Variants in ZNF98 observed in about 807,000 individuals in gnomAD.
ZNF98 encodes zinc finger protein 739.
In ZNF98, 8 loss-of-function variants were observed where a neutral mutation model predicts 12.8. That is an observed-to-expected ratio of 0.63 (90% CI 0.37 to 1.13). The LOEUF (loss-of-function observed/expected upper bound fraction) is 1.13, where lower values mean the gene tolerates loss of function less well. ZNF98 is among the 50% of genes most tolerant of loss of function. The pLI, the probability that ZNF98 is intolerant of heterozygous loss-of-function variation, is 0.01. For missense variants in ZNF98, 379 were observed against 666.1 expected (o/e 0.57, Z 4.74); for synonymous variants, 112 against 223.5 (o/e 0.50, Z 4.45).
chr19:22,397,189 T>C (rs1568291241), intron 3 of ZNF98, among the ~76,000 whole-genome samples: 3 of 83,232 alleles, frequency 3.6e-5, no homozygotes, highest in African/African-American at 7.9e-5. Context: ...TGTATGTACA[T>C]CTGTGTGTGT....
intron 1 of ZNF98, among the ~76,000 whole-genome samples, chr19:22,409,655 T>C (rs1169163123): frequency 1.3e-5 from 2 of 152,088 alleles, no homozygotes. Context: ...CTCACACCTG[T>C]CATCCCACCA....
At chr19:22,422,147 C>G (rs867981251) in intron 1 of ZNF98, 48 bp downstream of exon 1, 2 of 1,611,686 alleles carry the variant, frequency 1.2e-6, no homozygotes, top group South Asian at 2.2e-5. Flanking sequence ...CCACCGGTTC[C>G]AACCAGCCCC....
At chr19:22,400,283 A>T (rs1240558572) in intron 3 of ZNF98, among the ~76,000 whole-genome samples, 1 of 152,106 alleles carries the variant, frequency 6.6e-6, no homozygotes, top group East Asian at 1.9e-4. Flanking sequence ...TATCACCCTG[A>T]GCCACAGTTC....
In ZNF98 at chr19:22,402,837, T is replaced by G; in HGVS notation, c.205A>C (p.Lys69Gln). The G allele has an allele frequency of 6.3e-7, 1 of 1,593,932 alleles. No individual in the cohort carries two copies. Among genetic ancestry groups the G allele is most frequent in the East Asian group, 2.3e-5 (1 of 44,360 alleles). The change falls in exon 3 of 4, where the codon AAA (lysine) becomes CAA (glutamine). Residue 69 changes from lysine (K) to glutamine (Q), a missense_variant. This residue lies in a region of ZNF98 where 223 missense variants were observed against 261.6 expected (regional missense o/e 0.85). Transcript: ENST00000357774. ...PDLITCLEQGKEPWNVKRHEM... is the reference protein window; with the variant it reads ...PDLITCLEQGQEPWNVKRHEM... ...TGTCTCTTCACATTCCAAGGTTCTT[T>G]TCCTTGCTCCAGACAGGTGATCAGG...
chr19:22,393,186 C>A (rs1422541466), intron 3 of ZNF98, among the ~76,000 whole-genome samples: 2 of 152,204 alleles, frequency 1.3e-5, no homozygotes, highest in African/African-American at 4.8e-5. Context: ...GTGTGCAGTG[C>A]CCCAGATGAG....
intron 1 of ZNF98, among the ~76,000 whole-genome samples, chr19:22,404,224 T>TA (rs61655477): frequency 2.7e-5 from 4 of 145,724 alleles, no homozygotes; most frequent in African/African-American, 1.1e-4. Context: ...CGTCTCAAAA[T>TA]AAAAAAAAGA....
intron 1 of ZNF98, among the ~76,000 whole-genome samples, chr19:22,406,219 C>T (rs1230196384): frequency 2.0e-5 from 3 of 152,114 alleles, no homozygotes; most frequent in Non-Finnish European, 4.4e-5. Context: ...AGTGTTCCTA[C>T]TGGCATCAGA....
At chr19:22,402,762 G>C (rs1421364407) in intron 3 of ZNF98, 27 bp downstream of exon 3, 1 of 1,548,876 alleles carries the variant, frequency 6.5e-7, no homozygotes, top group East Asian at 2.4e-5. Context: ...TGTGTCGTCT[G>C]TTGTATTCAC....
intron 3 of ZNF98, among the ~76,000 whole-genome samples, chr19:22,395,415 A>G (rs1211723454): frequency 6.6e-6 from 1 of 152,068 alleles, no homozygotes; most frequent in Admixed American, 6.6e-5. Flanking sequence ...AAACAGGGCA[A>G]TATAATTTCA....
intron 3 of ZNF98, among the ~76,000 whole-genome samples, chr19:22,401,883 A>G (rs1969461501): frequency 6.6e-6 from 1 of 151,700 alleles, no homozygotes; most frequent in Non-Finnish European, 1.5e-5. Context: ...AGTAATAGAA[A>G]ATACAATTCT....
At position 22,402,725 on chromosome 19, in the gene ZNF98, T is replaced by TC. The variant is rs1969472989; in HGVS notation, c.253+63_253+64insG. On this transcript the variant is annotated intron_variant, in intron 3 of 3. Transcript: ENST00000357774. ...AAATCATTTTAAGGAATGGCTTTTT[T>TC]TTTTTTTCTACTTTGGAGCTCTCAT... is the stretch of plus-strand genomic sequence containing the variant. 54 of 1,205,502 alleles carry TC rather than the reference T, an allele frequency of 4.5e-5. No individual in the cohort carries two copies. The South Asian group carries it at 7.8e-4, about 18-fold the overall frequency. 74.7% of individuals were successfully genotyped at this position (1,205,502 alleles called of 1,614,324 possible).
chr19:22,393,664 C>T (rs1314807969), intron 3 of ZNF98, among the ~76,000 whole-genome samples: 1 of 152,096 alleles, frequency 6.6e-6, no homozygotes. Context: ...CCCTTCCTTA[C>T]ACCTTATACA....
At chr19:22,411,632 G>A (rs1347782858) in intron 1 of ZNF98, among the ~76,000 whole-genome samples, 1 of 152,092 alleles carries the variant, frequency 6.6e-6, no homozygotes, top group East Asian at 1.9e-4. Context: ...ATGATAAAAG[G>A]TTTACTTAGC....
At chr19:22,397,889 C>G (rs1436940474) in intron 3 of ZNF98, among the ~76,000 whole-genome samples, 2 of 149,620 alleles carry the variant, frequency 1.3e-5, no homozygotes, top group African/African-American at 4.9e-5. Context: ...CACAAAGCTA[C>G]AGAATTAAAA....
At chr19:22,401,279 T>C (rs1164198681) in intron 3 of ZNF98, among the ~76,000 whole-genome samples, 3 of 152,050 alleles carry the variant, frequency 2.0e-5, no homozygotes, top group Non-Finnish European at 4.4e-5. Flanking sequence ...AACATACAAG[T>C]GTAAGTTATG....
intron 3 of ZNF98, among the ~76,000 whole-genome samples, chr19:22,396,208 T>C (rs1969391578): frequency 6.6e-6 from 1 of 152,178 alleles, no homozygotes; most frequent in Non-Finnish European, 1.5e-5. Flanking sequence ...AAACATCTGT[T>C]AATGAATATA....
Position 22,402,769 on chromosome 19 carries a change from T to C in ZNF98, c.253+20A>G, listed in dbSNP as rs1467157847. The C allele has an allele frequency of 6.4e-7, 1 of 1,570,530 alleles. No individual in the cohort carries two copies. Among genetic ancestry groups the C allele is most frequent in the South Asian group, 1.2e-5 (1 of 82,538 alleles). On this transcript the variant is annotated intron_variant, in intron 3 of 3. Transcript: ENST00000357774. ...CTCTCATCTGTGTCGTCTGTTGTAT[T>C]CACTTTCACTCTCACCTACCTGGGG... is the stretch of plus-strand genomic sequence containing the variant.
At chr19:22,399,282 TAA>T (rs1389085042) in intron 3 of ZNF98, among the ~76,000 whole-genome samples, 2 of 152,300 alleles carry the variant, frequency 1.3e-5, no homozygotes, top group African/African-American at 4.8e-5. Context: ...TGTAATGCAG[TAA>T]AAGTTTCAGA....
intron 1 of ZNF98, among the ~76,000 whole-genome samples, chr19:22,416,165 A>C (rs914870979): frequency 6.7e-6 from 1 of 150,216 alleles, no homozygotes; most frequent in Non-Finnish European, 1.5e-5. Flanking sequence ...ACAAAACAAA[A>C]AAATTTAAGA....
Sources: allele counts gnomAD v4.1 joint callset (sites outside exome capture counted in the v4.1 genomes callset), GRCh38; gene constraint gnomAD v4.1.1; regional missense constraint gnomAD v4.1.1; transcripts MANE v1.5; gene names NCBI Gene and HGNC (gene_info 2026-07-23, HGNC 2026-07-21).